The following PACRGL variants were observed in gnomAD, a reference collection of about 807,000 sequenced individuals.
The protein encoded by PACRGL is PACRG-like protein.
PACRGL carries 38 observed loss-of-function variants against 34.5 expected under a neutral mutation model. The observed-to-expected ratio is 1.10, with a 90% confidence interval of 0.85 to 1.44. PACRGL has a LOEUF of 1.44. PACRGL is among the 40% of genes most tolerant of loss of function. The probability of loss-of-function intolerance (pLI) is 0.00; values close to 1 mark genes in which losing one functional copy is unlikely to be tolerated. For missense variants in PACRGL, 305 were observed against 281.4 expected, an observed-to-expected ratio of 1.08 and a Z score of -0.60; for synonymous variants, 128 against 100.1, an observed-to-expected ratio of 1.28 and a Z score of -1.66.
At chr4:20,712,579 C>G (rs1737812963) in intron 5 of PACRGL, 2 of 394,902 alleles carry the variant, frequency 5.1e-6, no homozygotes, top group Non-Finnish European at 8.7e-6. Flanking sequence ...AGGGGGGGCC[C>G]TGGAACCAGT....
intron 7 of PACRGL, chr4:20,715,995 T>G (rs1739777024): frequency 3.3e-6 from 3 of 920,252 alleles, no homozygotes; most frequent in Admixed American, 5.5e-5. Flanking sequence ...CCAAACATGT[T>G]TAAGTATTTT....
At chr4:20,721,339 T>A (rs1743059214) in intron 7 of PACRGL, among the ~76,000 whole-genome samples, 1 of 152,210 alleles carries the variant, frequency 6.6e-6, no homozygotes, top group African/African-American at 2.4e-5. Flanking sequence ...AAAGTCATTC[T>A]CCGTCCAGCT....
At chr4:20,716,497 C>G (rs184775853) in intron 7 of PACRGL, among the ~76,000 whole-genome samples, 1 of 150,936 alleles carries the variant, frequency 6.6e-6, no homozygotes, top group Non-Finnish European at 1.5e-5. Flanking sequence ...ATCCCTCCCC[C>G]GACAGGCCCT....
chr4:20,710,785 C>G (rs1736786604), intron 5 of PACRGL, among the ~76,000 whole-genome samples: 1 of 151,002 alleles, frequency 6.6e-6, no homozygotes, highest in East Asian at 2.0e-4. Context: ...GTAAACTAAC[C>G]AGTTACTAGC....
chr4:20,710,257 A>C (rs1453979410), intron 5 of PACRGL, among the ~76,000 whole-genome samples: 1 of 152,120 alleles, frequency 6.6e-6, no homozygotes, highest in Non-Finnish European at 1.5e-5. Context: ...GTACAATATC[A>C]TGGAGGTGGT....
downstream of PACRGL, chr4:20,734,789 A>AG: frequency 9.6e-7 from 1 of 1,045,480 alleles, no homozygotes; most frequent in Non-Finnish European, 1.4e-6. Flanking sequence ...AAACAAAAAC[A>AG]AAAAAAACAA....
the PACRGL span, among the ~76,000 whole-genome samples, chr4:20,765,416 A>G: frequency 6.6e-6 from 1 of 152,176 alleles, no homozygotes; most frequent in Non-Finnish European, 1.5e-5. Context: ...AAGGGAAGCC[A>G]TTTCAATCAA....
chr4:20,699,182 G>A (rs930063401), upstream of PACRGL, among the ~76,000 whole-genome samples: 1 of 152,096 alleles, frequency 6.6e-6, no homozygotes, highest in African/African-American at 2.4e-5. Context: ...CTGGAGATGA[G>A]AGATTATAAA....
At chr4:20,734,705 G>A (rs763059311), downstream of PACRGL, 24 of 1,586,300 alleles carry the variant, frequency 1.5e-5, no homozygotes, top group Middle Eastern at 1.7e-4. Context: ...ACTGTCCCCC[G>A]GAGCAAAATG....
chr4:20,719,268 CA>C (rs1222674407), intron 7 of PACRGL, among the ~76,000 whole-genome samples: 1 of 151,984 alleles, frequency 6.6e-6, no homozygotes, highest in Non-Finnish European at 1.5e-5. Context: ...TTGATCTTTT[CA>C]AAAAAACCAG....
At chr4:20,743,162 G>C (rs1210458038) in intron 8 of PACRGL, among the ~76,000 whole-genome samples, 1 of 152,050 alleles carries the variant, frequency 6.6e-6, no homozygotes, top group Non-Finnish European at 1.5e-5. Context: ...TGGATAGGAA[G>C]AATCCATATC....
At chr4:20,724,311 C>A (rs1234555189) in intron 7 of PACRGL, among the ~76,000 whole-genome samples, 4 of 152,096 alleles carry the variant, frequency 2.6e-5, no homozygotes, top group Non-Finnish European at 5.9e-5. Flanking sequence ...TGCATGTAAA[C>A]CTCTGTGCTA....
intron 8 of PACRGL, among the ~76,000 whole-genome samples, chr4:20,744,346 C>G (rs915486251): frequency 1.3e-5 from 2 of 152,192 alleles, no homozygotes; most frequent in African/African-American, 4.8e-5. Flanking sequence ...GTAGCAAAGA[C>G]TTGGTACCAA....
At chr4:20,737,453 G>T (rs149835219), downstream of PACRGL, among the ~76,000 whole-genome samples, 8 of 151,354 alleles carry the variant, frequency 5.3e-5, no homozygotes, top group East Asian at 1.5e-3. Context: ...AGTCAGAAAT[G>T]GGCTGTGCTC....
At chr4:20,766,085 A>G in the PACRGL span, among the ~76,000 whole-genome samples, 521 of 152,290 alleles carry the variant, frequency 3.4e-3, 4 homozygotes, top group Non-Finnish European at 4.8e-3. Flanking sequence ...AATACACATG[A>G]GCACTTTTTA....
chr4:20,735,523 T>G (rs528840369), downstream of PACRGL, among the ~76,000 whole-genome samples: 1 of 123,752 alleles, frequency 8.1e-6, no homozygotes, highest in South Asian at 2.8e-4. Context: ...TTAGTGTTTT[T>G]TTTTTTGTTT....
chr4:20,740,970 A>G (rs1055839286), intron 8 of PACRGL, among the ~76,000 whole-genome samples: 2 of 151,984 alleles, frequency 1.3e-5, no homozygotes, highest in East Asian at 1.9e-4. Flanking sequence ...CAAAACAGAC[A>G]AAGAAGGCTA....
chr4:20,727,052 G>A (rs1746004945), intron 8 of PACRGL, among the ~76,000 whole-genome samples: 4 of 152,124 alleles, frequency 2.6e-5, no homozygotes, highest in Admixed American at 2.6e-4. Context: ...GCTGAATTCA[G>A]ATACTGGTAG....
Position 20,729,680 on chromosome 4 carries a change from A to C in PACRGL, c.*2339A>C, listed in dbSNP as rs757672718. 2.4e-4 allele frequency: 38 copies of C among 156,876 alleles called. No homozygotes were observed. The highest frequency in any genetic ancestry group is 4.8e-4 in the Non-Finnish European group (34 of 71,420). The allele number at this position is 156,876 out of a possible 1,614,324, so 9.7% of individuals were successfully genotyped here. A position where few individuals can be genotyped will look rare whatever the true frequency, so the allele number is the denominator to read the frequency against. On this transcript the variant is annotated 3_prime_UTR_variant, in exon 9 of 9. Coordinates refer to ENST00000503585, the MANE Select transcript of PACRGL (RefSeq NM_001258345.3). ...TTTAATTTCTGGAAATTAAATGCAG[A>C]TGTCACTATATTAGAAAACCATTCA... is the stretch of plus-strand genomic sequence containing the variant.
Sources: allele counts gnomAD v4.1 joint callset (sites outside exome capture counted in the v4.1 genomes callset), GRCh38; gene constraint gnomAD v4.1.1; transcripts MANE v1.5; gene names NCBI Gene and HGNC (gene_info 2026-07-23, HGNC 2026-07-21).